Variants in NUMA1 observed in about 807,000 individuals in gnomAD.
NUMA1 encodes SP-H antigen.
NUMA1 carries 62 observed loss-of-function variants against 237.1 expected under a neutral mutation model. The ratio of observed to expected loss-of-function variants is 0.26; its 90% confidence interval spans 0.21 to 0.32. The LOEUF is 0.32. Ranked by LOEUF, NUMA1 falls within the 10% of genes least tolerant of loss-of-function variation. The pLI is 1.00. For missense variants in NUMA1, 2,533 were observed against 2,666.5 expected (o/e 0.95, Z 1.10); for synonymous variants, 1,028 against 1,066.1 (o/e 0.96, Z 0.70).
chr11:72,069,442 C>G (rs1452761085), intron 2 of NUMA1, among the ~76,000 whole-genome samples: 1 of 152,188 alleles, frequency 6.6e-6, no homozygotes, highest in Non-Finnish European at 1.5e-5. Flanking sequence ...ACTTCCTTCA[C>G]TCCCCTGATC....
intron 1 of NUMA1, among the ~76,000 whole-genome samples, chr11:72,078,864 C>T (rs1036527856): frequency 6.6e-6 from 1 of 152,194 alleles, no homozygotes; most frequent in African/African-American, 2.4e-5. Context: ...CATATATTCA[C>T]AGCAGTAAAG....
intron 2 of NUMA1, among the ~76,000 whole-genome samples, chr11:72,062,926 G>C (rs540976798): frequency 2.0e-5 from 3 of 151,910 alleles, no homozygotes; most frequent in Non-Finnish European, 4.4e-5. Flanking sequence ...AAAATTAGCT[G>C]GGCGTGGTGG....
chr11:72,008,628 C>T (rs1250898187), intron 20 of NUMA1, 60 bp downstream of exon 20: 1 of 1,527,814 alleles, frequency 6.5e-7, no homozygotes, highest in East Asian at 2.2e-5. Flanking sequence ...CACTAGGATA[C>T]AGCCTGATAA....
chr11:72,061,595 A>G (rs1942949467), intron 2 of NUMA1, among the ~76,000 whole-genome samples: 1 of 147,500 alleles, frequency 6.8e-6, no homozygotes, highest in East Asian at 2.0e-4. Context: ...GGCTCAAGCG[A>G]TCCTCCTTCC....
chr11:72,063,608 C>CAAAAAAA (rs71052848), intron 2 of NUMA1, among the ~76,000 whole-genome samples: 4 of 61,126 alleles, frequency 6.5e-5, no homozygotes, highest in Admixed American at 1.8e-4. Flanking sequence ...TACCAAAACT[C>CAAAAAAA]AAAAAAAAAA....
chr11:72,013,474 G>A lies in NUMA1; in HGVS notation c.4029C>T (p.Leu1343=), dbSNP rs976608782. The A allele has an allele frequency of 1.2e-6, 2 of 1,613,380 alleles. No homozygotes were observed. The highest frequency in any genetic ancestry group is 1.7e-6 in the Non-Finnish European group (2 of 1,180,042). ...QEKFFQKEQA[L]STLQLEHTST... The stretch of plus-strand genomic sequence containing the variant: ...TGGTGTGCTCGAGCTGCAGGGTGGA[G>A]AGGGCCTGCTCTTTCTGGAAGAACT... The change falls in exon 15 of 27, where the codon CTC becomes CTT. Residue 1343 remains leucine, a synonymous_variant. Transcript: ENST00000393695. The surrounding 1 kb of genome is among the most constrained non-coding windows in gnomAD (Gnocchi z 6.8).
chr11:72,008,438 G>A (rs760058274), intron 20 of NUMA1: 15 of 509,768 alleles, frequency 2.9e-5, no homozygotes, highest in South Asian at 8.3e-5. Context: ...TGCTCTTCTC[G>A]TCAACCTGGC....
intron 16 of NUMA1, among the ~76,000 whole-genome samples, chr11:72,011,413 C>T (rs1295934059): frequency 1.3e-5 from 2 of 152,190 alleles, no homozygotes; most frequent in African/African-American, 2.4e-5. Context: ...AGGGGCAGCA[C>T]ATGTACTCCA....
In NUMA1 at chr11:72,006,255, A is replaced by T. The variant is rs562317477; in HGVS notation, c.5472T>A (p.Asp1824Glu). 1.7e-5 allele frequency: 27 copies of T among 1,614,018 alleles called. No individual in the cohort carries two copies. Among genetic ancestry groups the T allele is most frequent in the East Asian group, 1.3e-4 (6 of 44,874 alleles). ...IINITMTKKL[D>E]VEEPDSANSS... ...AGTTGGCGCTGTCTGGCTCTTCCAC[A>T]TCTAGCTTCTGGAAGACAGAGTGAA... Residue 1824 changes from aspartate to glutamate, a missense_variant, in exon 22 of 27, where the codon GAT becomes GAA. Asp to Glu is a conservative substitution (Grantham distance 45, BLOSUM62 2). Transcript: ENST00000393695.
At chr11:72,021,877 G>A (rs973107161) in intron 7 of NUMA1, among the ~76,000 whole-genome samples, 2 of 152,154 alleles carry the variant, frequency 1.3e-5, no homozygotes, top group Admixed American at 1.3e-4. Context: ...GCCTCCCAAA[G>A]TGCTGGGACT....
At chr11:72,022,866 A>G (rs1054078315) in intron 6 of NUMA1, among the ~76,000 whole-genome samples, 199 bp downstream of exon 6, 2 of 152,120 alleles carry the variant, frequency 1.3e-5, no homozygotes, top group Admixed American at 6.5e-5. Flanking sequence ...TCATAAGATC[A>G]TGGGCTCCTA....
intron 3 of NUMA1, among the ~76,000 whole-genome samples, chr11:72,030,673 A>G (rs1323927543): frequency 6.6e-6 from 1 of 152,244 alleles, no homozygotes; most frequent in South Asian, 2.1e-4. Context: ...TAAGTTAATT[A>G]TTCACATATT....
Position 72,007,242 on chromosome 11 carries a change from TCTTACGACC to T in NUMA1, c.5401_5409del (p.Gly1801_Lys1803del), listed in dbSNP as rs777720488. 6.2e-7 allele frequency: 1 copy of T among 1,611,990 alleles called. No individual in the cohort carries two copies. The highest frequency in any genetic ancestry group is 8.5e-7 in the Non-Finnish European group (1 of 1,179,494). ...GTGGTGCGCCGACGAGCGGAGCGGG[TCTTACGACC>T]CGAGTCCAGGAAGACGTCTCCCAGG... On this transcript the variant is annotated inframe_deletion, in exon 21 of 27. Coordinates refer to ENST00000393695, the MANE Select transcript of NUMA1 (RefSeq NM_006185.4).
rs1266508196 is a variant in NUMA1 at position 72,013,696 on chromosome 11, C to T, written c.3807G>A (p.Leu1269=). 3 of 1,609,334 alleles carry T rather than the reference C, an allele frequency of 1.9e-6. No individual in the cohort carries two copies. The highest frequency in any genetic ancestry group is 1.3e-5 in the African/African-American group (1 of 74,918). Residue 1269 remains leucine, a synonymous_variant, in exon 15 of 27, where the codon CTG becomes CTA. Transcript: ENST00000393695. This position sits in a 1 kb window ranked among gnomAD's most constrained non-coding sequence, Gnocchi z 6.8. ...SEKSQKLEER[L]RLLQAETASN... is the part of the protein sequence containing the mutation. ...TGGCTGTCTCTGCCTGCAGCAGGCG[C>T]AGCCTCTCCTCCAGCTTCTGGCTCT...
At chr11:72,011,043 G>T (rs1255920555) in intron 16 of NUMA1, among the ~76,000 whole-genome samples, 189 bp from the exon 17 acceptor site, 1 of 152,136 alleles carries the variant, frequency 6.6e-6, no homozygotes, top group African/African-American at 2.4e-5. Context: ...CCTGAATGAG[G>T]CAACCTAACA....
chr11:72,024,008 G>C, intron 5 of NUMA1: 1 of 418,912 alleles, frequency 2.4e-6, no homozygotes, highest in Non-Finnish European at 4.3e-6. Context: ...AGAGTTAAAA[G>C]TGACAGGTCC....
In NUMA1 at chr11:72,018,831, G is replaced by C; in HGVS notation, c.734C>G (p.Thr245Ser). 6.2e-7 allele frequency: 1 copy of C among 1,609,824 alleles called. No individual in the cohort carries two copies. ...GTGTGCCAGCCACCTACCCTTCTCG[G>C]TGAGGAGCTTGCGGTTCTCAGCTAG... ...LELAENRKLL[T>S]EKDAQIAMMQ... is the part of the protein sequence containing the mutation. The change falls in exon 10 of 27, where the codon ACC becomes AGC. Residue 245 changes from threonine to serine, a missense_variant. Coordinates refer to ENST00000393695, the MANE Select transcript of NUMA1 (RefSeq NM_006185.4).
intron 1 of NUMA1, among the ~76,000 whole-genome samples, chr11:72,078,167 C>G (rs575117145): frequency 5.6e-4 from 86 of 152,270 alleles, no homozygotes; most frequent in African/African-American, 2.0e-3. Context: ...AGCCACCATG[C>G]CCAGCTACAA....
rs181319766 is a variant in NUMA1, at chr11:72,032,685, A to G, written c.42+3217T>C. On this transcript the variant is annotated intron_variant, in intron 3 of 26. Transcript: ENST00000393695. ...AAGTTCCTTCATCTCTAGTCAGGGC[A>G]TAAAACATGAGAGTGAGGACCAGGC... 8.5e-5 allele frequency among the ~76,000 whole-genome samples: 13 copies of G among 152,362 alleles called. No homozygotes were observed. In the East Asian group the frequency reaches 1.9e-3, roughly 23 times the overall value.
Sources: gnomAD v4.1 joint callset for allele counts (sites outside exome capture counted in the v4.1 genomes callset) on GRCh38, gnomAD v4.1.1 for gene constraint, Gnocchi (gnomAD v3.1) non-coding constraint, MANE v1.5 for transcripts, NCBI Gene and HGNC (gene_info 2026-07-23, HGNC 2026-07-21) for gene names.